PEX13: variants seen among roughly 807,000 people sequenced by gnomAD.
PEX13 encodes peroxisomal biogenesis factor 13, also known as peroxisome biogenesis factor 13.
In PEX13, 28 loss-of-function variants were observed where a neutral mutation model predicts 34.5. The observed-to-expected ratio is 0.81, with a 90% CI of 0.60 to 1.11. The LOEUF (loss-of-function observed/expected upper bound fraction) is 1.11, where lower values mean the gene tolerates loss of function less well. Ranked by LOEUF, PEX13 falls within the 50% of genes most tolerant of loss-of-function variation. The pLI is 0.00. For synonymous variants in PEX13, 177 were observed against 175.1 expected (o/e 1.01, Z -0.09); for missense variants, 550 against 491.0 (o/e 1.12, Z -1.13).
chr2:61,033,055 A>G (rs1370859419), intron 2 of PEX13, among the ~76,000 whole-genome samples: 1 of 152,186 alleles, frequency 6.6e-6, no homozygotes, highest in Non-Finnish European at 1.5e-5. Flanking sequence ...TTTTGTTTTT[A>G]AGCAGACTGT....
At chr2:61,042,568 G>C (rs2104810629) in intron 2 of PEX13, among the ~76,000 whole-genome samples, 1 of 152,116 alleles carries the variant, frequency 6.6e-6, no homozygotes, top group African/African-American at 2.4e-5. Flanking sequence ...CTACATATCA[G>C]CATTACCAGA....
chr2:61,049,058 G>A lies in PEX13; in HGVS notation c.*288G>A, dbSNP rs956161176. 17 of 408,164 alleles carry A rather than the reference G, an allele frequency of 4.2e-5. No individual in the cohort carries two copies. Among genetic ancestry groups the A allele is most frequent in the Non-Finnish European group, 6.3e-5 (14 of 221,664 alleles). The allele number at this position is 408,164 out of a possible 1,614,324, so 25.3% of individuals were successfully genotyped here. A position where few individuals can be genotyped will look rare whatever the true frequency, so the allele number is the denominator to read the frequency against. The stretch of plus-strand genomic sequence containing the variant: ...ATTTAAATCTCTAGGTTTATTGGAA[G>A]AGTAAGATTGATGAACTATAGCATG... On this transcript the variant is annotated 3_prime_UTR_variant, in exon 4 of 4. Coordinates refer to ENST00000295030, the MANE Select transcript of PEX13 (RefSeq NM_002618.4).
In PEX13 at chr2:61,026,002, G is replaced by T. The variant is rs2104799126; in HGVS notation, c.93-5417G>T. 2.0e-5 allele frequency among the ~76,000 whole-genome samples: 3 copies of T among 152,126 alleles called. No homozygotes were observed. In the Middle Eastern group the frequency reaches 0.01, roughly 517 times the overall value. On this transcript the variant is annotated intron_variant, in intron 1 of 3. Transcript: ENST00000295030. The stretch of plus-strand genomic sequence containing the variant: ...TAGCCCAGGGAGTCTTAAAATCTCT[G>T]CCCAGCTTCTCATCCTGTCAACCAT...
At chr2:61,018,354 A>G in intron 1 of PEX13, 6 of 1,502,972 alleles carry the variant, frequency 4.0e-6, no homozygotes, top group African/African-American at 1.4e-5. Context: ...TTTCCAGCAT[A>G]ACTCAGCCAG....
intron 2 of PEX13, among the ~76,000 whole-genome samples, chr2:61,043,867 T>C (rs1680664701): frequency 6.6e-6 from 1 of 152,180 alleles, no homozygotes. Flanking sequence ...AAGAATGAAA[T>C]TTTTCTGAAC....
chr2:61,025,861 G>A (rs1680345304), intron 1 of PEX13, among the ~76,000 whole-genome samples: 1 of 152,144 alleles, frequency 6.6e-6, no homozygotes, highest in Admixed American at 6.5e-5. Context: ...TCCATTTCCT[G>A]TTAACCTTTT....
At chr2:61,037,295 A>C (rs895777538) in intron 2 of PEX13, among the ~76,000 whole-genome samples, 2 of 152,190 alleles carry the variant, frequency 1.3e-5, no homozygotes, top group Non-Finnish European at 2.9e-5. Flanking sequence ...AGAACTCTAC[A>C]CCCCAAATCA....
intron 1 of PEX13, chr2:61,018,589 A>G (rs993778077): frequency 6.8e-5 from 15 of 219,388 alleles, no homozygotes; most frequent in African/African-American, 2.3e-4. Context: ...GTAGTGCTGG[A>G]CATCTTAATT....
rs1680744272 is a variant in PEX13, at chr2:61,048,479, A to G, written c.921A>G (p.Gln307=). 17 of 1,613,786 alleles carry G rather than the reference A, an allele frequency of 1.1e-5. No individual in the cohort carries two copies. The highest frequency in any genetic ancestry group is 1.4e-5 in the Non-Finnish European group (17 of 1,179,812). Residue 307 remains glutamine, a synonymous_variant, in exon 4 of 4, where the codon CAA becomes CAG. Coordinates refer to ENST00000295030, the MANE Select transcript of PEX13 (RefSeq NM_002618.4). ...GTCTTTTTTTTCCATCAGAACAACAACCCAAAGTGCGTGGTTGGCTTCTGG... is the reference window on the plus strand; with the variant it reads ...GTCTTTTTTTTCCATCAGAACAACAGCCCAAAGTGCGTGGTTGGCTTCTGG... ...DMLNLALKEQ[Q]PKVRGWLLAS... is the part of the protein sequence containing the mutation.
intron 2 of PEX13, among the ~76,000 whole-genome samples, chr2:61,043,084 C>T (rs1680650789): frequency 2.0e-5 from 3 of 152,166 alleles, no homozygotes; most frequent in Non-Finnish European, 4.4e-5. Flanking sequence ...TATGACACAA[C>T]AAGAAGGCCC....
At chr2:61,033,657 G>A (rs1285211153) in intron 2 of PEX13, among the ~76,000 whole-genome samples, 1 of 152,188 alleles carries the variant, frequency 6.6e-6, no homozygotes, top group African/African-American at 2.4e-5. Flanking sequence ...GGGAGTGTCA[G>A]GAGGAGGAAC....
intron 1 of PEX13, chr2:61,018,350 G>C (rs1680154536): frequency 2.7e-6 from 4 of 1,501,940 alleles, no homozygotes; most frequent in South Asian, 1.3e-5. Context: ...TTCTTTTCCA[G>C]CATAACTCAG....
intron 1 of PEX13, among the ~76,000 whole-genome samples, chr2:61,020,735 A>G (rs1030034643): frequency 1.3e-5 from 2 of 151,918 alleles, no homozygotes; most frequent in Non-Finnish European, 2.9e-5. Flanking sequence ...GCTCATGGCA[A>G]CCTCTACCTC....
At chr2:61,034,350 C>T (rs1172931107) in intron 2 of PEX13, among the ~76,000 whole-genome samples, 1 of 152,160 alleles carries the variant, frequency 6.6e-6, no homozygotes. Context: ...CCAAGATAGC[C>T]AAATAGGAAC....
chr2:61,031,500 G>A lies in PEX13; in HGVS notation c.174G>A (p.Arg58=). ...GAGTGCCCCCACCTATTCTTCCAAG[G>A]CCATCACAGCAGACAGGAAGTAGCA... ...LTRVPPPILP[R]PSQQTGSSSV... The change falls in exon 2 of 4, where the codon AGG becomes AGA. Residue 58 remains arginine, a synonymous_variant. Coordinates refer to ENST00000295030, the MANE Select transcript of PEX13 (RefSeq NM_002618.4). 6.2e-7 allele frequency: 1 copy of A among 1,614,102 alleles called. No homozygotes were observed. Among genetic ancestry groups the A allele is most frequent in the Non-Finnish European group, 8.5e-7 (1 of 1,180,016 alleles).
chr2:61,023,862 C>T (rs757387096), intron 1 of PEX13, among the ~76,000 whole-genome samples: 6 of 151,626 alleles, frequency 4.0e-5, no homozygotes, highest in Non-Finnish European at 1.5e-5. Flanking sequence ...GTGACGCAAT[C>T]ACACCTCACT....
intron 2 of PEX13, among the ~76,000 whole-genome samples, chr2:61,042,163 G>T (rs543130712): frequency 2.0e-5 from 3 of 152,276 alleles, no homozygotes; most frequent in African/African-American, 7.2e-5. Flanking sequence ...AAATTATATA[G>T]AATTCAAATT....
At chr2:61,020,717 C>A (rs1462647211) in intron 1 of PEX13, among the ~76,000 whole-genome samples, 1 of 152,042 alleles carries the variant, frequency 6.6e-6, no homozygotes, top group Non-Finnish European at 1.5e-5. Flanking sequence ...TGCAGAGACG[C>A]AATCTTGGCT....
rs1160074188 is a variant in PEX13 at position 61,017,771 on chromosome 2, G to T, written c.12G>T (p.Gln4His). The T allele has an allele frequency of 1.3e-6, 2 of 1,549,618 alleles. No homozygotes were observed. The highest frequency in any genetic ancestry group is 1.7e-6 in the Non-Finnish European group (2 of 1,146,772). Residue 4 changes from glutamine to histidine, a missense_variant, in exon 1 of 4, where the codon CAG becomes CAT. Physicochemically the swap from Gln to His is conservative, Grantham distance 24. Coordinates refer to ENST00000295030, the MANE Select transcript of PEX13 (RefSeq NM_002618.4). ...AGGAGGCGGAGGAGATGGCGTCCCA[G>T]CCGCCACCTCCCCCCAAACCCTGGG... The part of the protein sequence containing the change: MAS[Q>H]PPPPPKPWET...
Sources: allele counts gnomAD v4.1 joint callset (sites outside exome capture counted in the v4.1 genomes callset), GRCh38; gene constraint gnomAD v4.1.1; transcripts MANE v1.5; gene names NCBI Gene and HGNC (gene_info 2026-07-23, HGNC 2026-07-21).